ZNF704: variants seen among roughly 807,000 people sequenced by gnomAD.
The protein encoded by ZNF704 is glucocorticoid induced gene 1.
A neutral mutation model predicts 44.7 loss-of-function variants in ZNF704; 10 were observed. The observed-to-expected ratio is 0.22, with a 90% CI of 0.14 to 0.38. ZNF704 has a LOEUF of 0.38. ZNF704 is among the 10% of genes least tolerant of loss of function. The pLI, the probability that ZNF704 is intolerant of heterozygous loss-of-function variation, is 1.00. For missense variants in ZNF704, 390 were observed against 545.5 expected, an observed-to-expected ratio of 0.71 and a Z score of 2.84; for synonymous variants, 211 against 207.6, an observed-to-expected ratio of 1.02 and a Z score of -0.14.
At chr8:80,847,450 T>C (rs965691602) in intron 1 of ZNF704, among the ~76,000 whole-genome samples, 4 of 152,178 alleles carry the variant, frequency 2.6e-5, no homozygotes, top group African/African-American at 7.2e-5. Context: ...TCCAGCAATA[T>C]TTTTGTAGAC....
At chr8:80,828,612 C>T (rs1808419169) in intron 1 of ZNF704, among the ~76,000 whole-genome samples, 2 of 152,026 alleles carry the variant, frequency 1.3e-5, no homozygotes, top group Admixed American at 6.6e-5. Flanking sequence ...ATGCTTGTTT[C>T]TTTTTAATTT....
At chr8:80,718,552 G>C (rs1819110703) in intron 2 of ZNF704, among the ~76,000 whole-genome samples, 1 of 152,124 alleles carries the variant, frequency 6.6e-6, no homozygotes, top group African/African-American at 2.4e-5. Flanking sequence ...ACATGTTTCT[G>C]TTTGCCCCTC....
chr8:80,712,972 C>T (rs763661379), intron 2 of ZNF704, among the ~76,000 whole-genome samples: 10 of 151,518 alleles, frequency 6.6e-5, no homozygotes, highest in Admixed American at 2.0e-4. Flanking sequence ...CTCGGCTCAC[C>T]GCAATGTTCA....
chr8:80,740,607 C>T (rs1806740683), intron 2 of ZNF704, among the ~76,000 whole-genome samples: 1 of 152,180 alleles, frequency 6.6e-6, no homozygotes, highest in Non-Finnish European at 1.5e-5. Context: ...TCCCTCTATA[C>T]CCAGCTGTAC....
chr8:80,726,302 A>C (rs550343667), intron 2 of ZNF704, among the ~76,000 whole-genome samples: 4 of 152,184 alleles, frequency 2.6e-5, no homozygotes, highest in Non-Finnish European at 5.9e-5. Flanking sequence ...GCTCTGTAAA[A>C]GCAAGAATTT....
rs761713100 is a variant in ZNF704 at position 80,693,122 on chromosome 8, G to A, written c.222-15C>T. ...CTGAAGATTTCCTGTAAAACAGGAA[G>A]GGACACTGGTGACTGTTCACTCTGC... On this transcript the variant is annotated splice_polypyrimidine_tract_variant and intron_variant, in intron 2 of 8. Transcript: ENST00000327835. 1.9e-6 allele frequency: 3 copies of A among 1,601,170 alleles called. No homozygotes were observed. Among genetic ancestry groups the A allele is most frequent in the East Asian group, 4.5e-5 (2 of 44,814 alleles).
intron 2 of ZNF704, among the ~76,000 whole-genome samples, chr8:80,803,464 T>A (rs533580852): frequency 1.3e-5 from 2 of 152,292 alleles, no homozygotes; most frequent in South Asian, 4.2e-4. Flanking sequence ...CAAAACAGCA[T>A]GGTACTGGTA....
intron 4 of ZNF704, among the ~76,000 whole-genome samples, chr8:80,685,082 T>C (rs6473243): frequency 0.043 from 6,556 of 152,068 alleles, 491 homozygotes; most frequent in African/African-American, 0.15. Context: ...TGTTCATTCC[T>C]TCCCACTATC....
intron 7 of ZNF704, among the ~76,000 whole-genome samples, chr8:80,644,058 C>T (rs1277881224): frequency 5.3e-5 from 8 of 152,118 alleles, no homozygotes; most frequent in Non-Finnish European, 7.3e-5. Context: ...TGCCACCCAC[C>T]GAACACTTAC....
upstream of ZNF704, among the ~76,000 whole-genome samples, chr8:80,876,441 G>A (rs1809356958): frequency 6.6e-6 from 1 of 152,186 alleles, no homozygotes; most frequent in African/African-American, 2.4e-5. Flanking sequence ...TGATTTTAGA[G>A]TGAGGCAGCA....
chr8:80,745,676 T>TA (rs1292648854), intron 2 of ZNF704, among the ~76,000 whole-genome samples: 5 of 152,194 alleles, frequency 3.3e-5, no homozygotes, highest in Non-Finnish European at 7.3e-5. Context: ...ATGTGTCTAT[T>TA]AAAAATATTC....
chr8:80,742,925 G>C (rs1806785515), intron 2 of ZNF704, among the ~76,000 whole-genome samples: 1 of 152,028 alleles, frequency 6.6e-6, no homozygotes, highest in African/African-American at 2.4e-5. Context: ...TAGCTGGGAA[G>C]GTGACGCATC....
Position 80,640,239 on chromosome 8 carries a change from C to T in ZNF704, c.*1127G>A, listed in dbSNP as rs1244220035. ...ATTGTTAATTAACTCATCTCCCGGACATGCTAAAGCATAAAACCTATAAAA... is the reference window on the plus strand; with the variant it reads ...ATTGTTAATTAACTCATCTCCCGGATATGCTAAAGCATAAAACCTATAAAA... On this transcript the variant is annotated 3_prime_UTR_variant, in exon 9 of 9. Coordinates refer to ENST00000327835, the MANE Select transcript of ZNF704 (RefSeq NM_001033723.3). 5 of 152,622 alleles carry T rather than the reference C, an allele frequency of 3.3e-5. No homozygotes were observed. Among genetic ancestry groups the T allele is most frequent in the Non-Finnish European group, 7.3e-5 (5 of 68,060 alleles). The allele number at this position is 152,622 out of a possible 1,614,324, so 9.5% of individuals were successfully genotyped here. A position where few individuals can be genotyped will look rare whatever the true frequency, so the allele number is the denominator to read the frequency against.
chr8:80,849,461 C>T (rs1042197078), intron 1 of ZNF704, among the ~76,000 whole-genome samples: 1 of 152,256 alleles, frequency 6.6e-6, no homozygotes, highest in Middle Eastern at 3.4e-3. Flanking sequence ...AAATAAACCA[C>T]ACACAACAAA....
At chr8:80,827,526 C>T (rs965236631) in intron 1 of ZNF704, among the ~76,000 whole-genome samples, 1 of 152,152 alleles carries the variant, frequency 6.6e-6, no homozygotes, top group African/African-American at 2.4e-5. Flanking sequence ...AATGCCATCC[C>T]TATCAAGCTA....
chr8:80,734,442 A>G (rs372393796), intron 2 of ZNF704, among the ~76,000 whole-genome samples: 2 of 152,332 alleles, frequency 1.3e-5, no homozygotes, highest in South Asian at 4.1e-4. Flanking sequence ...TTGAAGTACT[A>G]TGACTATCCA....
chr8:80,642,962 G>T, intron 8 of ZNF704, 73 bp downstream of exon 8: 2 of 989,498 alleles, frequency 2.0e-6, no homozygotes, highest in South Asian at 3.1e-5. Flanking sequence ...ATTTCTCAGG[G>T]TTCTCTCTGC....
intron 2 of ZNF704, among the ~76,000 whole-genome samples, chr8:80,758,557 T>C (rs892959799): frequency 4.6e-5 from 7 of 152,166 alleles, no homozygotes; most frequent in African/African-American, 1.2e-4. Context: ...TACTGACTCA[T>C]TTTAAGAGTT....
At chr8:80,811,240 T>C (rs1247905281) in intron 2 of ZNF704, among the ~76,000 whole-genome samples, 1 of 152,224 alleles carries the variant, frequency 6.6e-6, no homozygotes, top group Admixed American at 6.5e-5. Context: ...AAGTGTCTCA[T>C]TAATGACTTT....
Sources: gnomAD v4.1 joint callset for allele counts (sites outside exome capture counted in the v4.1 genomes callset) on GRCh38, gnomAD v4.1.1 for gene constraint, MANE v1.5 for transcripts, NCBI Gene and HGNC (gene_info 2026-07-23, HGNC 2026-07-21) for gene names.